Variants in RTL9 observed in about 807,000 individuals in gnomAD.
RTL9 encodes retrotransposon Gag-like protein 9.
A neutral mutation model predicts 44.7 loss-of-function variants in RTL9; 19 were observed. The observed-to-expected ratio is 0.42, with a 90% CI of 0.30 to 0.62. The LOEUF (loss-of-function observed/expected upper bound fraction) is 0.62, where lower values mean the gene tolerates loss of function less well. Ranked by LOEUF, RTL9 falls within the 20% of genes least tolerant of loss-of-function variation. The pLI, the probability that RTL9 is intolerant of heterozygous loss-of-function variation, is 0.16. For missense variants in RTL9, 1,105 were observed against 1,080.6 expected (o/e 1.02, Z -0.32); for synonymous variants, 407 against 398.9 (o/e 1.02, Z -0.24).
chrX:110,425,287 G>T (rs2068745745), intron 1 of RTL9, among the ~76,000 whole-genome samples: 1 of 112,198 alleles, frequency 8.9e-6, no homozygotes, highest in East Asian at 2.8e-4. Flanking sequence ...TGTGGCAGGG[G>T]TTGCATGTTG....
rs745784735 is a variant in RTL9, at chrX:110,453,487, C to T, written c.2870C>T (p.Pro957Leu). The T allele has an allele frequency of 9.3e-5, 113 of 1,210,588 alleles. 1 individual carries two copies. The South Asian group carries it at 1.2e-3, about 13-fold the overall frequency. The stretch of plus-strand genomic sequence containing the variant: ...ATGTCCAAGCCATTAATGAGAGCCC[C>T]GGCCTCTGGAACAATGCCCATGCCT... Residue 957 changes from proline (P) to leucine (L), a missense_variant, in exon 1 of 2, where the codon CCG (proline) becomes CTG (leucine). Pro to Leu is a moderately conservative substitution (Grantham distance 98). Coordinates refer to ENST00000540313, the Ensembl canonical transcript of RTL9.
chrX:110,428,534 G>A (rs1603001019), intron 1 of RTL9, among the ~76,000 whole-genome samples: 1 of 111,178 alleles, frequency 9.0e-6, no homozygotes, highest in Admixed American at 9.5e-5. Flanking sequence ...CCAGGCCCCC[G>A]TTGCTTTATT....
chrX:110,388,201 C>G (rs1226258913), intron 1 of RTL9, among the ~76,000 whole-genome samples: 1 of 111,584 alleles, frequency 9.0e-6, no homozygotes, highest in Non-Finnish European at 1.9e-5. Flanking sequence ...TGTAACATCC[C>G]AAACTGCAAA....
intron 1 of RTL9, among the ~76,000 whole-genome samples, chrX:110,374,101 A>G (rs2068358979): frequency 8.9e-6 from 1 of 112,261 alleles, no homozygotes; most frequent in African/African-American, 3.2e-5. Context: ...TCAAAGAGAA[A>G]TAGCTGATAA....
At chrX:110,425,566 A>G (rs1384617471) in intron 1 of RTL9, among the ~76,000 whole-genome samples, 1 of 113,277 alleles carries the variant, frequency 8.8e-6, no homozygotes, top group Non-Finnish European at 1.9e-5. Context: ...TACTTGAGAA[A>G]GGCCTAGCCT....
chrX:110,421,584 T>C (rs1001520094), intron 1 of RTL9, among the ~76,000 whole-genome samples: 1 of 112,787 alleles, frequency 8.9e-6, no homozygotes, highest in African/African-American at 3.2e-5. Flanking sequence ...GTATTACTGA[T>C]GGTAGAACAT....
At chrX:110,431,262 A>C (rs762222730) in intron 1 of RTL9, among the ~76,000 whole-genome samples, 2 of 110,415 alleles carry the variant, frequency 1.8e-5, no homozygotes, top group Non-Finnish European at 3.8e-5. Flanking sequence ...GTTTGCAGTG[A>C]TCATGGGGAC....
intron 1 of RTL9, among the ~76,000 whole-genome samples, chrX:110,388,277 G>T (rs779368983): frequency 1.8e-5 from 2 of 112,060 alleles, no homozygotes; most frequent in African/African-American, 3.2e-5. Context: ...TACTAAATAG[G>T]CACTCAGGTG....
At chrX:110,360,429 GA>G (rs769273313) in intron 1 of RTL9, among the ~76,000 whole-genome samples, 1 of 111,813 alleles carries the variant, frequency 8.9e-6, no homozygotes, top group African/African-American at 3.2e-5. Flanking sequence ...GAGTAGTCAA[GA>G]GGCTATTACC....
At chrX:110,392,236 T>C (rs1338576548) in intron 1 of RTL9, among the ~76,000 whole-genome samples, 2 of 110,200 alleles carry the variant, frequency 1.8e-5, no homozygotes, top group Admixed American at 9.7e-5. Flanking sequence ...ACCCAAAATG[T>C]AGTGAAAGAT....
At chrX:110,425,614 G>A (rs779219243) in intron 1 of RTL9, among the ~76,000 whole-genome samples, 1 of 112,970 alleles carries the variant, frequency 8.9e-6, no homozygotes, top group Non-Finnish European at 1.9e-5. Context: ...CCTATAGTGA[G>A]TACTTACTAT....
At chrX:110,415,574 G>A (rs1016852767), upstream of RTL9, among the ~76,000 whole-genome samples, 43 of 111,556 alleles carry the variant, frequency 3.9e-4, no homozygotes, top group African/African-American at 1.3e-3. Flanking sequence ...GGTTCTGGGT[G>A]CTGTGGGGAG....
intron 1 of RTL9, among the ~76,000 whole-genome samples, chrX:110,437,063 C>A (rs2068843881): frequency 8.9e-6 from 1 of 112,115 alleles, no homozygotes; most frequent in African/African-American, 3.2e-5. Context: ...GAAGTGATTT[C>A]ACGAATCTTT....
chrX:110,412,853 G>A (rs1402899854), intron 1 of RTL9, among the ~76,000 whole-genome samples: 2 of 112,379 alleles, frequency 1.8e-5, no homozygotes, highest in Admixed American at 1.9e-4. Flanking sequence ...AGACTGGAAG[G>A]ATAGACAGAC....
upstream of RTL9, among the ~76,000 whole-genome samples, chrX:110,415,132 T>G (rs182778270): frequency 9.8e-5 from 11 of 112,323 alleles, no homozygotes; most frequent in East Asian, 2.5e-3. Flanking sequence ...ACTGGGATTG[T>G]GCCTTAGTCA....
chrX:110,426,731 G>A (rs779164246), intron 1 of RTL9: 5 of 111,828 alleles, frequency 4.5e-5, no homozygotes, highest in South Asian at 3.8e-4. Flanking sequence ...GGTAGTCACC[G>A]TCTTCCTTTT....
chrX:110,379,051 C>A (rs2068399502), intron 1 of RTL9, among the ~76,000 whole-genome samples: 1 of 112,120 alleles, frequency 8.9e-6, no homozygotes, highest in East Asian at 2.8e-4. Flanking sequence ...ATTTTTCTCA[C>A]TACTCAAATA....
chrX:110,374,569 A>T (rs1357496746), intron 1 of RTL9, among the ~76,000 whole-genome samples: 1 of 112,218 alleles, frequency 8.9e-6, no homozygotes, highest in Admixed American at 9.4e-5. Flanking sequence ...GGTCCTCTTT[A>T]ACATGTACTT....
At chrX:110,365,729 A>G (rs745981679) in intron 1 of RTL9, among the ~76,000 whole-genome samples, 1 of 111,967 alleles carries the variant, frequency 8.9e-6, no homozygotes, top group Non-Finnish European at 1.9e-5. Context: ...AAGTTTCTGA[A>G]GAAAACTGGT....
Sources: gnomAD v4.1 joint callset for allele counts (sites outside exome capture counted in the v4.1 genomes callset) on GRCh38, gnomAD v4.1.1 for gene constraint, MANE v1.5 for transcripts, NCBI Gene and HGNC (gene_info 2026-07-23, HGNC 2026-07-21) for gene names.